Variants in KRIT1 observed in about 807,000 individuals in gnomAD.
KRIT1 encodes the protein krev interaction trapped protein 1.
In KRIT1, 45 loss-of-function variants were observed where a neutral mutation model predicts 95.8. The observed-to-expected ratio is 0.47, with a 90% CI of 0.37 to 0.60. The LOEUF (loss-of-function observed/expected upper bound fraction) is 0.60, where lower values mean the gene tolerates loss of function less well. KRIT1 is among the 20% of genes least tolerant of loss of function. The probability of loss-of-function intolerance (pLI) is 0.00; values close to 1 mark genes in which losing one functional copy is unlikely to be tolerated. For missense variants in KRIT1, 788 were observed against 877.5 expected, an observed-to-expected ratio of 0.90 and a Z score of 1.29; for synonymous variants, 282 against 278.8, an observed-to-expected ratio of 1.01 and a Z score of -0.11.
intron 17 of KRIT1, among the ~76,000 whole-genome samples, chr7:92,212,499 G>C (rs1793070082): frequency 6.6e-6 from 1 of 152,106 alleles, no homozygotes; most frequent in Non-Finnish European, 1.5e-5. Context: ...ATGAGAGCAG[G>C]GCCCACATGA....
chr7:92,236,902 CA>C (rs1798543922), intron 6 of KRIT1, among the ~76,000 whole-genome samples: 2 of 152,140 alleles, frequency 1.3e-5, no homozygotes, highest in Non-Finnish European at 2.9e-5. Flanking sequence ...AAATACATGT[CA>C]GCACTGTGTA....
intron 12 of KRIT1, among the ~76,000 whole-genome samples, chr7:92,224,227 G>C (rs1020098812): frequency 3.9e-5 from 6 of 152,092 alleles, no homozygotes; most frequent in African/African-American, 1.5e-4. Context: ...AGAGGCTTAG[G>C]TAAATGGGTT....
intron 10 of KRIT1, among the ~76,000 whole-genome samples, chr7:92,231,589 C>T (rs1381601777): frequency 1.3e-5 from 2 of 152,174 alleles, no homozygotes; most frequent in Admixed American, 6.5e-5. Flanking sequence ...AGTCTCTTCA[C>T]TGTATCACAG....
chr7:92,213,297 T>C lies in KRIT1; in HGVS notation c.1923A>G (p.Thr641=), dbSNP rs768686270. 2.5e-6 allele frequency: 4 copies of C among 1,613,248 alleles called. No individual in the cohort carries two copies. In the East Asian group the frequency reaches 8.9e-5, roughly 36 times the overall value. The change falls in exon 17 of 19, where the codon ACA becomes ACG. Residue 641 remains threonine, a synonymous_variant. Transcript: ENST00000394505. The part of the protein sequence containing the change: ...EIPTYGAAFF[T]GQIFTKASPS... ...GGCTTGCCTTTGTAAATATCTGTCC[T>C]GTGAAAAATGCTGCTCCATAAGTAG... is the stretch of plus-strand genomic sequence containing the variant.
intron 8 of KRIT1, among the ~76,000 whole-genome samples, 153 bp from the exon 9 acceptor site, chr7:92,235,076 T>C (rs1410000685): frequency 1.3e-5 from 2 of 152,214 alleles, no homozygotes; most frequent in Non-Finnish European, 2.9e-5. Context: ...CTCAGCACAC[T>C]GCAACCTCCG....
At chr7:92,200,928 A>G in intron 18 of KRIT1, 124 bp from the exon 19 acceptor site, 1 of 730,974 alleles carries the variant, frequency 1.4e-6, no homozygotes, top group Non-Finnish European at 2.4e-6. Flanking sequence ...ACAGCTTGTT[A>G]AGAGAGAGTA....
At chr7:92,222,683 A>G (rs1360763935) in intron 13 of KRIT1, 139 bp downstream of exon 13, 2 of 646,520 alleles carry the variant, frequency 3.1e-6, no homozygotes, top group Non-Finnish European at 5.4e-6. Flanking sequence ...TTTGAACACT[A>G]GTAATTTATA....
In KRIT1 at chr7:92,200,301, TACAATGTA is replaced by T. The variant is rs1789861137; in HGVS notation, c.*427_*434del. 1 of 199,740 alleles carries T rather than the reference TACAATGTA, an allele frequency of 5.0e-6. No individual in the cohort carries two copies. The highest frequency in any genetic ancestry group is 1.0e-5 in the Non-Finnish European group (1 of 96,262). The allele number at this position is 199,740 out of a possible 1,614,324, so 12.4% of individuals were successfully genotyped here. A position where few individuals can be genotyped will look rare whatever the true frequency, so the allele number is the denominator to read the frequency against. ...ACACCAAACATAAGTACAGATTCTG[TACAATGTA>T]ATAGTATACATATATATTACAAGAG... On this transcript the variant is annotated 3_prime_UTR_variant, in exon 19 of 19. Transcript: ENST00000394505.
In KRIT1 at chr7:92,222,019, T is replaced by C. The variant is rs148355366; in HGVS notation, c.1446A>G (p.Gln482=). 32 of 1,613,636 alleles carry C rather than the reference T, an allele frequency of 2.0e-5. No individual in the cohort carries two copies. Among genetic ancestry groups the C allele is most frequent in the Admixed American group, 3.3e-5 (2 of 60,000 alleles). ...GTATTTCTGGCCAGTCACGAACATG[T>C]TGCAAGGGTTTATGATATGGTTTGA... The part of the protein sequence containing the change: ...LQLKPYHKPL[Q]HVRDWPEILA... The change falls in exon 14 of 19, where the codon CAA becomes CAG. Residue 482 remains glutamine, a synonymous_variant. Transcript: ENST00000394505.
At chr7:92,245,252 CT>C (rs1463678953) in intron 1 of KRIT1, 81 bp from the exon 2 acceptor site, 1 of 152,148 alleles carries the variant, frequency 6.6e-6, no homozygotes, top group Non-Finnish European at 1.5e-5. Flanking sequence ...CTGTGAATCC[CT>C]TTCCCTGCAA....
At chr7:92,230,098 C>A (rs182152999) in intron 10 of KRIT1, among the ~76,000 whole-genome samples, 1 of 152,192 alleles carries the variant, frequency 6.6e-6, no homozygotes. Flanking sequence ...TACAAACATA[C>A]ATTTTGTATG....
intron 13 of KRIT1, 102 bp downstream of exon 13, chr7:92,222,720 C>A (rs1563265391): frequency 5.4e-6 from 4 of 746,420 alleles, no homozygotes; most frequent in Non-Finnish European, 9.2e-6. Flanking sequence ...TGTATTATTT[C>A]AAAATTTAAG....
At chr7:92,211,875 T>C (rs1018046093) in intron 17 of KRIT1, among the ~76,000 whole-genome samples, 5 of 152,012 alleles carry the variant, frequency 3.3e-5, no homozygotes, top group African/African-American at 1.2e-4. Flanking sequence ...GGAGGATCAT[T>C]TGAGGCCAGG....
chr7:92,222,983 A>C lies in KRIT1; in HGVS notation c.1255-5T>G. The stretch of plus-strand genomic sequence containing the variant: ...GTATATTCGAACTTTTTCATACTAC[A>C]AGAAACGATAACTTACGTAACGAAC... On this transcript the variant is annotated splice_polypyrimidine_tract_variant and splice_region_variant and intron_variant, in intron 12 of 18. Coordinates refer to ENST00000394505, the MANE Select transcript of KRIT1 (RefSeq NM_194454.3). 6.3e-7 allele frequency: 1 copy of C among 1,595,104 alleles called. No individual in the cohort carries two copies.
rs186064076 is a variant in KRIT1 at position 92,225,456 on chromosome 7, C to T, written c.1254+264G>A. 2.6e-4 allele frequency among the ~76,000 whole-genome samples: 40 copies of T among 152,026 alleles called. No individual in the cohort carries two copies. The East Asian group carries it at 4.1e-3, about 15-fold the overall frequency. ...CTGAGTAGCTGGGACTACAGGTGCA[C>T]GCCACCATGCCCAGCTGATTTTTGT... On this transcript the variant is annotated intron_variant, in intron 12 of 18. Coordinates refer to ENST00000394505, the MANE Select transcript of KRIT1 (RefSeq NM_194454.3).
Position 92,242,046 on chromosome 7 carries a change from AGCTCT to A in KRIT1, c.85_89del (p.Arg29Ter). The stretch of plus-strand genomic sequence containing the variant: ...TAAATGTTCTTACTTCATATGACTT[AGCTCT>A]GTATTCCCGAGAATTGAGACTGGCA... On this transcript the variant is annotated frameshift_variant, in exon 4 of 19. Transcript: ENST00000394505. LOFTEE classifies it high-confidence loss of function. 6.7e-7 allele frequency: 1 copy of A among 1,500,034 alleles called. No individual in the cohort carries two copies. Among genetic ancestry groups the A allele is most frequent in the South Asian group, 1.1e-5 (1 of 88,470 alleles). 92.9% of individuals were successfully genotyped at this position (1,500,034 alleles called of 1,614,324 possible).
chr7:92,214,783 A>C lies in KRIT1; in HGVS notation c.1564-6T>G, dbSNP rs1435601256. 6.3e-7 allele frequency: 1 copy of C among 1,577,390 alleles called. No homozygotes were observed. The highest frequency in any genetic ancestry group is 8.7e-7 in the Non-Finnish European group (1 of 1,147,138). On this transcript the variant is annotated splice_polypyrimidine_tract_variant and splice_region_variant and intron_variant, in intron 14 of 18. Coordinates refer to ENST00000394505, the MANE Select transcript of KRIT1 (RefSeq NM_194454.3). ...ATAGCTAGTGGGTCTTCAATCTTAA[A>C]GGAAAAAGTATAATTTGGTTATTAG...
intron 10 of KRIT1, among the ~76,000 whole-genome samples, chr7:92,232,996 T>C (rs544329179): frequency 2.0e-5 from 3 of 152,204 alleles, no homozygotes; most frequent in African/African-American, 7.2e-5. Flanking sequence ...CCCGGCTGCA[T>C]GTGATTTCTT....
Position 92,242,115 on chromosome 7 carries a change from T to C in KRIT1, c.21A>G (p.Ile7Met), listed in dbSNP as rs202176475. The change falls in exon 4 of 19, where the codon ATA (isoleucine) becomes ATG (methionine). Residue 7 changes from isoleucine to methionine, a missense_variant. Physicochemically the swap from Ile to Met is conservative, Grantham distance 10. Coordinates refer to ENST00000394505, the MANE Select transcript of KRIT1 (RefSeq NM_194454.3). MGNPEN[I>M]EDAYVAVIRP... ...GAATAACAGCAACATATGCATCTTC[T>C]ATGTTTTCTGGATTTCCCATTGCTT... The C allele has an allele frequency of 2.2e-5, 35 of 1,598,224 alleles. No homozygotes were observed. The highest frequency in any genetic ancestry group is 3.0e-5 in the Non-Finnish European group (35 of 1,165,784).
Sources: gnomAD v4.1 joint callset for allele counts (sites outside exome capture counted in the v4.1 genomes callset) on GRCh38, gnomAD v4.1.1 for gene constraint, MANE v1.5 for transcripts, NCBI Gene and HGNC (gene_info 2026-07-23, HGNC 2026-07-21) for gene names.